The following SCUBE2 variants were observed in gnomAD, a reference collection of about 807,000 sequenced individuals.
The protein encoded by SCUBE2 is signal peptide, CUB domain and EGF like domain containing 2.
Under a neutral mutation model 125.9 loss-of-function variants are expected in SCUBE2, and 114 were observed. That is an observed-to-expected ratio of 0.91 (90% CI 0.78 to 1.06). SCUBE2 has a LOEUF of 1.06. Ranked by LOEUF, SCUBE2 falls within the 50% of genes least tolerant of loss-of-function variation. The pLI, the probability that SCUBE2 is intolerant of heterozygous loss-of-function variation, is 0.00. For synonymous variants in SCUBE2, 459 were observed against 492.9 expected (o/e 0.93, Z 0.91); for missense variants, 1,255 against 1,301.8 (o/e 0.96, Z 0.55).
chr11:9,076,942 T>G (rs571813438), intron 3 of SCUBE2, among the ~76,000 whole-genome samples: 2 of 152,064 alleles, frequency 1.3e-5, no homozygotes, highest in South Asian at 2.1e-4. Flanking sequence ...GCAGGAGAGG[T>G]CTGTCTCCCT....
intron 17 of SCUBE2, 121 bp downstream of exon 17, chr11:9,033,505 T>A: frequency 8.9e-7 from 1 of 1,129,656 alleles, no homozygotes; most frequent in Non-Finnish European, 1.3e-6. Context: ...CGAGCCAACG[T>A]GGTCCCTGCT....
intron 10 of SCUBE2, 80 bp downstream of exon 10, chr11:9,055,713 G>T: frequency 9.2e-7 from 1 of 1,087,724 alleles, no homozygotes; most frequent in Non-Finnish European, 1.4e-6. Context: ...ATGTAGGAAA[G>T]CAAACCTCAG....
intron 22 of SCUBE2, 85 bp from the exon 23 acceptor site, chr11:9,021,282 T>C: frequency 1.7e-6 from 2 of 1,183,934 alleles, no homozygotes; most frequent in Non-Finnish European, 2.3e-6. Context: ...GACCCAGTAT[T>C]AGGCCGTAGC....
intron 7 of SCUBE2, among the ~76,000 whole-genome samples, chr11:9,063,414 C>T (rs1330178178): frequency 6.6e-6 from 1 of 152,104 alleles, no homozygotes; most frequent in Non-Finnish European, 1.5e-5. Flanking sequence ...AGGAGAAGAT[C>T]CTGGAAGCTT....
At chr11:9,064,832 G>C (rs1860049707) in intron 7 of SCUBE2, 1 of 152,162 alleles carries the variant, frequency 6.6e-6, no homozygotes, top group Non-Finnish European at 1.5e-5. Flanking sequence ...GATGGGTTTT[G>C]TTTAGGTTGA....
chr11:9,077,830 A>T (rs1020862284), intron 3 of SCUBE2, among the ~76,000 whole-genome samples: 10 of 152,232 alleles, frequency 6.6e-5, no homozygotes, highest in African/African-American at 1.9e-4. Flanking sequence ...CTCTGTGCTG[A>T]TAATATCTGT....
At position 9,030,241 on chromosome 11, in the gene SCUBE2, T is replaced by C. The variant is rs114044016; in HGVS notation, c.2342-196A>G. ...ATGGGGCTCATGAAATAGAGAAATA[T>C]AGAGGAACAAGATATGTGTGTATCT... On this transcript the variant is annotated intron_variant, in intron 18 of 22. Coordinates refer to ENST00000649792, the MANE Select transcript of SCUBE2 (RefSeq NM_001367977.2). 7.0e-3 allele frequency: 4,276 copies of C among 612,036 alleles called. 132 individuals are homozygous for C. The African/African-American group carries it at 0.072, about 10-fold the overall frequency. The allele number at this position is 612,036 out of a possible 1,614,324, so 37.9% of individuals were successfully genotyped here.
intron 16 of SCUBE2, among the ~76,000 whole-genome samples, chr11:9,034,995 T>G (rs1856644582): frequency 6.6e-6 from 1 of 151,698 alleles, no homozygotes; most frequent in Non-Finnish European, 1.5e-5. Context: ...AGGCTCTGTC[T>G]CAAAGAAAAA....
Position 9,021,215 on chromosome 11 carries a change from T to C in SCUBE2, c.2935-18A>G. 2 of 1,534,784 alleles carry C rather than the reference T, an allele frequency of 1.3e-6. No homozygotes were observed. The highest frequency in any genetic ancestry group is 1.8e-6 in the Non-Finnish European group (2 of 1,139,662). ...TTCTTATCCTAAAAAGAACAGAATTTTTGTTACTGGGCCAAAATATTTAAA... is the reference window on the plus strand; with the variant it reads ...TTCTTATCCTAAAAAGAACAGAATTCTTGTTACTGGGCCAAAATATTTAAA... On this transcript the variant is annotated intron_variant, in intron 22 of 22. Coordinates refer to ENST00000649792, the MANE Select transcript of SCUBE2 (RefSeq NM_001367977.2).
chr11:9,051,229 C>CTATCTAT (rs1566200764), intron 13 of SCUBE2, among the ~76,000 whole-genome samples: 1 of 109,440 alleles, frequency 9.1e-6, no homozygotes, highest in South Asian at 3.4e-4. Context: ...TATCTATCTA[C>CTATCTAT]CTACCTACCT....
At chr11:9,042,955 A>G (rs1857382758) in intron 16 of SCUBE2, among the ~76,000 whole-genome samples, 1 of 152,146 alleles carries the variant, frequency 6.6e-6, no homozygotes. Context: ...TTCTGCCTCT[A>G]ATTCTGCTCC....
At chr11:9,060,153 GA>G (rs1859521247) in intron 8 of SCUBE2, among the ~76,000 whole-genome samples, 1 of 152,190 alleles carries the variant, frequency 6.6e-6, no homozygotes, top group Non-Finnish European at 1.5e-5. Flanking sequence ...GCCACTGTCT[GA>G]AATGAATTAT....
chr11:9,027,448 TGGG>T lies in SCUBE2; in HGVS notation c.2614_2616del (p.Pro872del). 1.2e-6 allele frequency: 2 copies of T among 1,613,896 alleles called. No individual in the cohort carries two copies. Among genetic ancestry groups the T allele is most frequent in the Non-Finnish European group, 1.7e-6 (2 of 1,179,962 alleles). ...GGGACCACGATCAGGATGCGGCGCT[TGGG>T]GGGTGGGTTGATGGTCCACGTACAC... is the stretch of plus-strand genomic sequence containing the variant. On this transcript the variant is annotated inframe_deletion, in exon 20 of 23. Transcript: ENST00000649792.
chr11:9,045,602 GACAGACAGACACACACACAC>G (rs1252016744), intron 16 of SCUBE2, among the ~76,000 whole-genome samples: 6 of 75,466 alleles, frequency 8.0e-5, no homozygotes, highest in East Asian at 6.6e-4. Flanking sequence ...CTAGAAGACA[GACAGACAGACACACACACAC>G]ACACACACAC....
intron 16 of SCUBE2, 131 bp downstream of exon 16, chr11:9,047,225 G>A: frequency 1.1e-6 from 1 of 889,222 alleles, no homozygotes; most frequent in Non-Finnish European, 1.8e-6. Flanking sequence ...TACTGAAACA[G>A]AAGCACTGCC....
At chr11:9,022,583 C>G (rs1855398492) in intron 21 of SCUBE2, 4 of 152,636 alleles carry the variant, frequency 2.6e-5, no homozygotes, top group Non-Finnish European at 5.8e-5. Flanking sequence ...ATCCCAACGG[C>G]CAGTTCTTGG....
At position 9,053,181 on chromosome 11, in the gene SCUBE2, G is replaced by A. The variant is rs1858607589; in HGVS notation, c.1365C>T (p.Pro455=). 2 of 1,614,080 alleles carry A rather than the reference G, an allele frequency of 1.2e-6. No homozygotes were observed. The highest frequency in any genetic ancestry group is 1.7e-6 in the Non-Finnish European group (2 of 1,180,038). Reference sequence around the variant, plus strand: ...TCTTACCGCAGTGCAGGGACACACGGGGTGACACACTTGTGGGCAGGAGCC... The same window carrying A: ...TCTTACCGCAGTGCAGGGACACACGAGGTGACACACTTGTGGGCAGGAGCC... ...VKGLLPTSVS[P]RVSLHCGKSG... Residue 455 remains proline (P), a synonymous_variant, in exon 12 of 23, where the codon CCC becomes CCT. Transcript: ENST00000649792.
chr11:9,089,382 A>G (rs1426910451), intron 2 of SCUBE2, among the ~76,000 whole-genome samples: 1 of 152,214 alleles, frequency 6.6e-6, no homozygotes, highest in Non-Finnish European at 1.5e-5. Flanking sequence ...TCTGGCAGGC[A>G]TGGCTCTCCT....
chr11:9,027,514 A>G lies in SCUBE2; in HGVS notation c.2551T>C (p.Ser851Pro), dbSNP rs1855891745. The G allele has an allele frequency of 1.2e-6, 2 of 1,613,804 alleles. No homozygotes were observed. The highest frequency in any genetic ancestry group is 1.7e-5 in the Admixed American group (1 of 59,978). Reference sequence around the variant, plus strand: ...GGGTAATTGCCTGGGTAGTTTGGGGATTCAATGTACCCAGTGAAATCTCCC... The same window carrying G: ...GGGTAATTGCCTGGGTAGTTTGGGGGTTCAATGTACCCAGTGAAATCTCCC... ...ELGDFTGYIE[S>P]PNYPGNYPAN... Residue 851 changes from serine (S) to proline (P), a missense_variant, in exon 20 of 23, where the codon TCC (serine) becomes CCC (proline). Ser to Pro is a moderately conservative substitution (Grantham distance 74, BLOSUM62 -1). This residue lies in a region of SCUBE2 where 515 missense variants were observed against 515.7 expected (regional missense o/e 1.00). Coordinates refer to ENST00000649792, the MANE Select transcript of SCUBE2 (RefSeq NM_001367977.2).
Sources: gnomAD v4.1 joint callset for allele counts (sites outside exome capture counted in the v4.1 genomes callset) on GRCh38, gnomAD v4.1.1 for gene constraint, gnomAD v4.1.1 regional missense constraint, MANE v1.5 for transcripts, NCBI Gene and HGNC (gene_info 2026-07-23, HGNC 2026-07-21) for gene names.